The following SEM1 variants were observed in gnomAD, a reference collection of about 807,000 sequenced individuals.
SEM1 encodes the protein SEM1 26S proteasome subunit.
A neutral mutation model predicts 12.7 loss-of-function variants in SEM1; 3 were observed. The ratio of observed to expected loss-of-function variants is 0.24; its 90% confidence interval spans 0.11 to 0.61. The LOEUF (loss-of-function observed/expected upper bound fraction) is 0.61. SEM1 is among the 20% of genes least tolerant of loss of function. The pLI is 0.88. For missense variants in SEM1, 59 were observed against 81.3 expected (o/e 0.73, Z 1.06); for synonymous variants, 30 against 27.8 (o/e 1.08, Z -0.25).
chr7:96,706,788 C>T (rs6949040), intron 1 of SEM1, among the ~76,000 whole-genome samples: 2,392 of 152,102 alleles, frequency 0.016, 75 homozygotes, highest in African/African-American at 0.055. Flanking sequence ...CCAAGTTACC[C>T]GAGAGTGGAT....
intron 2 of SEM1, among the ~76,000 whole-genome samples, chr7:96,507,279 C>T (rs1367693231): frequency 6.6e-6 from 1 of 151,966 alleles, no homozygotes; most frequent in Non-Finnish European, 1.5e-5. Context: ...TACTAAACTG[C>T]CTGAGTTTTG....
intron 1 of SEM1, among the ~76,000 whole-genome samples, chr7:96,489,216 A>G (rs1802900750): frequency 6.6e-6 from 1 of 152,110 alleles, no homozygotes; most frequent in African/African-American, 2.4e-5. Context: ...ATGTCTGCCT[A>G]TTGCTCTGCT....
chr7:96,579,302 C>A (rs1019094348), intron 2 of SEM1, among the ~76,000 whole-genome samples: 9 of 152,196 alleles, frequency 5.9e-5, no homozygotes, highest in African/African-American at 2.2e-4. Context: ...AATTTTCCTG[C>A]AAAAGCAATT....
chr7:96,614,587 G>A (rs1304517967), intron 2 of SEM1, among the ~76,000 whole-genome samples: 1 of 152,216 alleles, frequency 6.6e-6, no homozygotes, highest in Non-Finnish European at 1.5e-5. Context: ...AGTAGTATCA[G>A]TTTATTCAGC....
intron 2 of SEM1, among the ~76,000 whole-genome samples, chr7:96,598,448 C>G (rs986570334): frequency 6.6e-6 from 1 of 150,530 alleles, no homozygotes; most frequent in African/African-American, 2.5e-5. Flanking sequence ...ATGGCTTTGT[C>G]TCTAAGACCA....
chr7:96,513,818 G>C (rs918940585), intron 2 of SEM1, among the ~76,000 whole-genome samples: 1 of 152,010 alleles, frequency 6.6e-6, no homozygotes, highest in Admixed American at 6.6e-5. Context: ...AGCAGAGCAA[G>C]ACTCTGTCTC....
intron 2 of SEM1, among the ~76,000 whole-genome samples, chr7:96,574,163 G>C (rs6964137): frequency 0.96 from 145,682 of 151,982 alleles, 70,029 homozygotes; most frequent in Non-Finnish European, 0.99. Flanking sequence ...TCAATTCCCA[G>C]CTATGAGTGA....
intron 2 of SEM1, among the ~76,000 whole-genome samples, chr7:96,509,733 G>A (rs904842371): frequency 6.6e-6 from 1 of 152,028 alleles, no homozygotes; most frequent in Non-Finnish European, 1.5e-5. Context: ...GAAAATTTTG[G>A]GGCATGCTAC....
chr7:96,485,633 C>T (rs1282328451), intron 2 of SEM1, among the ~76,000 whole-genome samples: 2 of 148,052 alleles, frequency 1.4e-5, no homozygotes, highest in African/African-American at 5.0e-5. Context: ...ACCTTGGCCT[C>T]CTGGGTTCAA....
chr7:96,569,393 AG>A (rs1805948926), intron 2 of SEM1, among the ~76,000 whole-genome samples: 1 of 152,028 alleles, frequency 6.6e-6, no homozygotes, highest in Admixed American at 6.6e-5. Flanking sequence ...ATGGTGTGGA[AG>A]CTGATCATTT....
At chr7:96,642,490 CT>C (rs540925392) in intron 2 of SEM1, among the ~76,000 whole-genome samples, 177 of 151,174 alleles carry the variant, frequency 1.2e-3, no homozygotes, top group African/African-American at 4.0e-3. Context: ...CTGTCTCCCT[CT>C]TTTTTTTTCT....
At chr7:96,534,773 A>G (rs1804739602) in intron 2 of SEM1, among the ~76,000 whole-genome samples, 1 of 152,090 alleles carries the variant, frequency 6.6e-6, no homozygotes, top group Non-Finnish European at 1.5e-5. Context: ...TAAGCCAGAC[A>G]TTGAAGAGAT....
At position 96,635,352 on chromosome 7, in the gene SEM1, C is replaced by A. The variant is rs113794893; in HGVS notation, c.171-12709G>T. On this transcript the variant is annotated intron_variant, in intron 2 of 2. Coordinates refer to the SEM1 transcript ENST00000417009. ...AACCTATAGAAATCTGGTGTCCTGG[C>A]AAGTTGGGCTTGAGATATCCATGTT... Among the ~76,000 whole-genome samples, 477 of 151,994 alleles carry A rather than the reference C, an allele frequency of 3.1e-3. 1 individual carries two copies. The highest frequency in any genetic ancestry group is 7.7e-3 in the Admixed American group (118 of 15,234).
intron 2 of SEM1, among the ~76,000 whole-genome samples, chr7:96,547,242 T>A (rs1563054977): frequency 6.6e-6 from 1 of 152,170 alleles, no homozygotes; most frequent in African/African-American, 2.4e-5. Flanking sequence ...TCATTGATGG[T>A]CTAGAGGACA....
intron 2 of SEM1, among the ~76,000 whole-genome samples, chr7:96,599,738 C>A (rs1247532288): frequency 2.0e-5 from 3 of 152,142 alleles, no homozygotes; most frequent in Admixed American, 1.3e-4. Flanking sequence ...GGGGTCAGCG[C>A]CCTGGCCTGT....
intron 2 of SEM1, among the ~76,000 whole-genome samples, chr7:96,659,971 G>T (rs1026252020): frequency 2.0e-5 from 3 of 150,182 alleles, no homozygotes; most frequent in East Asian, 3.9e-4. Flanking sequence ...CAGTAAGTGG[G>T]ATTATATTAA....
upstream of SEM1, among the ~76,000 whole-genome samples, chr7:96,496,747 T>C (rs1803285243): frequency 6.6e-6 from 1 of 152,182 alleles, no homozygotes; most frequent in Non-Finnish European, 1.5e-5. Flanking sequence ...AATAAAAATT[T>C]TGTAGAGCTA....
intron 2 of SEM1, among the ~76,000 whole-genome samples, chr7:96,527,955 T>C (rs144295226): frequency 4.6e-5 from 7 of 152,258 alleles, no homozygotes; most frequent in African/African-American, 1.4e-4. Context: ...TGCCAGTAAT[T>C]CTCACAATAG....
chr7:96,568,440 C>A (rs1230671928), intron 2 of SEM1, among the ~76,000 whole-genome samples: 1 of 151,778 alleles, frequency 6.6e-6, no homozygotes, highest in Admixed American at 6.6e-5. Context: ...ATTCATTTCA[C>A]TCTTTTTTGT....
Sources: gnomAD v4.1 joint callset for allele counts (sites outside exome capture counted in the v4.1 genomes callset) on GRCh38, gnomAD v4.1.1 for gene constraint, MANE v1.5 for transcripts, NCBI Gene and HGNC (gene_info 2026-07-23, HGNC 2026-07-21) for gene names.